The following TXNDC11 variants were observed in gnomAD, a reference collection of about 807,000 sequenced individuals.
TXNDC11 encodes the protein thioredoxin domain containing 11.
Under a neutral mutation model 78.0 loss-of-function variants are expected in TXNDC11, and 68 were observed. The observed-to-expected ratio is 0.87, with a 90% CI of 0.72 to 1.07. The LOEUF is 1.07. Ranked by LOEUF, TXNDC11 falls within the 50% of genes least tolerant of loss-of-function variation. TXNDC11 has a pLI of 0.00. For synonymous variants in TXNDC11, 571 were observed against 495.2 expected (o/e 1.15, Z -2.03); for missense variants, 1,389 against 1,221.8 (o/e 1.14, Z -2.04).
Position 11,691,705 on chromosome 16 carries a change from A to C in TXNDC11, c.1485T>G (p.Phe495Leu), listed in dbSNP as rs2141990355. The change falls in exon 8 of 12, where the codon TTT becomes TTG. Residue 495 changes from phenylalanine (F) to leucine (L), a missense_variant. Transcript: ENST00000283033. ...VASDSIECSN[F>L]LTSYSPFSYY... Reference sequence around the variant, plus strand: ...AGCTGAAGGGGCTATAGGAAGTTAAAAAATTGCTGCATTCTATGCTGTCTG... The same window carrying C: ...AGCTGAAGGGGCTATAGGAAGTTAACAAATTGCTGCATTCTATGCTGTCTG... 2 of 1,614,254 alleles carry C rather than the reference A, an allele frequency of 1.2e-6. No individual in the cohort carries two copies. Among genetic ancestry groups the C allele is most frequent in the Non-Finnish European group, 1.7e-6 (2 of 1,180,046 alleles).
At chr16:11,687,660 G>T (rs2050600889) in intron 10 of TXNDC11, among the ~76,000 whole-genome samples, 197 bp downstream of exon 10, 1 of 152,180 alleles carries the variant, frequency 6.6e-6, no homozygotes, top group African/African-American at 2.4e-5. Context: ...ATCATGGAAG[G>T]AACACTCAGA....
Position 11,688,366 on chromosome 16 carries a change from C to G in TXNDC11, c.1980G>C (p.Pro660=), listed in dbSNP as rs61741271. 6 of 1,614,052 alleles carry G rather than the reference C, an allele frequency of 3.7e-6. No individual in the cohort carries two copies. Among genetic ancestry groups the G allele is most frequent in the Middle Eastern group, 1.6e-4 (1 of 6,062 alleles). The change falls in exon 9 of 12, where the codon CCG becomes CCC. Residue 660 remains proline, a synonymous_variant. Coordinates refer to ENST00000283033, the MANE Select transcript of TXNDC11 (RefSeq NM_015914.7). ...HLIGSGSAQF[P]SQHLITEVTT... is the part of the protein sequence containing the mutation. The stretch of plus-strand genomic sequence containing the variant: ...TCACTTCAGTGATTAAATGCTGAGA[C>G]GGGAACTGGGCAGAGCCACTTCCAA...
intron 7 of TXNDC11, among the ~76,000 whole-genome samples, chr16:11,694,056 G>C (rs901614877): frequency 7.3e-6 from 1 of 137,522 alleles, no homozygotes; most frequent in Non-Finnish European, 1.5e-5. Context: ...GCCACGTAAA[G>C]AATATTTTTA....
Position 11,692,002 on chromosome 16 carries a change from C to A in TXNDC11, c.1188G>T (p.Val396=). ...VERLLQHLRR[V]DAPVLESLAL... ...CCAGGGACTCCAGCACTGGAGCATC[C>A]ACCCGCCGCAGGTGCTGAAGGAGAC... Residue 396 remains valine (V), a synonymous_variant, in exon 8 of 12, where the codon GTG becomes GTT. Transcript: ENST00000283033. The A allele has an allele frequency of 6.4e-7, 1 of 1,572,706 alleles. No homozygotes were observed. The highest frequency in any genetic ancestry group is 8.6e-7 in the Non-Finnish European group (1 of 1,158,172).
chr16:11,697,465 C>T (rs750166600), intron 7 of TXNDC11, among the ~76,000 whole-genome samples: 1 of 152,198 alleles, frequency 6.6e-6, no homozygotes, highest in African/African-American at 2.4e-5. Context: ...TCTCCAGGCT[C>T]GCTCTGCAAA....
chr16:11,705,872 A>G (rs978062093), intron 5 of TXNDC11, among the ~76,000 whole-genome samples: 2 of 152,216 alleles, frequency 1.3e-5, no homozygotes, highest in Non-Finnish European at 2.9e-5. Context: ...AGATGACACA[A>G]AAAACCAGCA....
At chr16:11,683,181 A>C (rs2050473533) in intron 11 of TXNDC11, among the ~76,000 whole-genome samples, 1 of 152,188 alleles carries the variant, frequency 6.6e-6, no homozygotes, top group Admixed American at 6.5e-5. Flanking sequence ...TTTTCCACTA[A>C]AACATCTGCA....
intron 5 of TXNDC11, among the ~76,000 whole-genome samples, chr16:11,702,856 G>A (rs1300975890): frequency 2.6e-5 from 4 of 152,268 alleles, no homozygotes; most frequent in African/African-American, 4.8e-5. Context: ...AGGAGTGGCC[G>A]ACAAGGATGA....
At chr16:11,729,178 A>C (rs955395026) in intron 4 of TXNDC11, among the ~76,000 whole-genome samples, 4 of 152,170 alleles carry the variant, frequency 2.6e-5, no homozygotes, top group African/African-American at 9.7e-5. Context: ...TCTCAAGGAT[A>C]CCCTGGCCCA....
chr16:11,740,029 C>T lies in TXNDC11; in HGVS notation c.254+2448G>A, dbSNP rs369874009. ...TCAACATGGTGAAACCCCGTCTCTA[C>T]GAAAAATACAAAAATCAGCTGGGCA... On this transcript the variant is annotated intron_variant, in intron 1 of 11. Coordinates refer to ENST00000283033, the MANE Select transcript of TXNDC11 (RefSeq NM_015914.7). 1.2e-4 allele frequency among the ~76,000 whole-genome samples: 18 copies of T among 151,548 alleles called. No individual in the cohort carries two copies. The East Asian group carries it at 3.1e-3, about 26-fold the overall frequency.
intron 8 of TXNDC11, chr16:11,690,069 T>C (rs780099585): frequency 1.3e-5 from 2 of 152,252 alleles, no homozygotes; most frequent in Non-Finnish European, 1.5e-5. Flanking sequence ...AAGACTCATA[T>C]GTAGAAGCTC....
intron 5 of TXNDC11, among the ~76,000 whole-genome samples, chr16:11,701,050 T>G (rs1487475003): frequency 6.6e-6 from 1 of 151,990 alleles, no homozygotes; most frequent in Non-Finnish European, 1.5e-5. Flanking sequence ...CTTTACCAAT[T>G]ACCCTATTTT....
At chr16:11,704,731 C>G (rs775899852) in intron 5 of TXNDC11, among the ~76,000 whole-genome samples, 1 of 151,876 alleles carries the variant, frequency 6.6e-6, no homozygotes, top group Non-Finnish European at 1.5e-5. Flanking sequence ...TTATAAAGGA[C>G]AAGGAAAGAC....
intron 2 of TXNDC11, among the ~76,000 whole-genome samples, chr16:11,735,705 T>C (rs1018890076): frequency 1.3e-5 from 2 of 152,322 alleles, no homozygotes; most frequent in East Asian, 1.9e-4. Context: ...AAGTATCAAA[T>C]GGATATGCAA....
At chr16:11,707,817 C>T (rs111529721) in intron 5 of TXNDC11, among the ~76,000 whole-genome samples, 2 of 151,802 alleles carry the variant, frequency 1.3e-5, no homozygotes, top group African/African-American at 4.8e-5. Flanking sequence ...TATGGTAGCT[C>T]ACATCTATAA....
At chr16:11,723,417 T>A (rs753061432) in intron 4 of TXNDC11, among the ~76,000 whole-genome samples, 7 of 151,936 alleles carry the variant, frequency 4.6e-5, no homozygotes, top group Admixed American at 1.3e-4. Context: ...GAACCCTGTC[T>A]CTACTGAAAA....
At chr16:11,739,277 G>A (rs928745181) in intron 1 of TXNDC11, among the ~76,000 whole-genome samples, 4 of 152,140 alleles carry the variant, frequency 2.6e-5, no homozygotes, top group South Asian at 2.1e-4. Flanking sequence ...TCTGCTTCAC[G>A]CTTTAGAGAA....
In TXNDC11 at chr16:11,679,838, C is replaced by T; in HGVS notation, c.2235-1G>A. On this transcript the variant is annotated splice_acceptor_variant, in intron 11 of 11. Transcript: ENST00000283033. LOFTEE classifies it high-confidence loss of function. The surrounding 1 kb of genome is among the most constrained non-coding windows in gnomAD (Gnocchi z 4.6). ...GGGGTATTTCACACTTAGGTCCTTT[C>T]TGGAGAGAGAGGGAAAGGAAGCAAA... is the stretch of plus-strand genomic sequence containing the variant. 1 of 1,604,446 alleles carries T rather than the reference C, an allele frequency of 6.2e-7. No individual in the cohort carries two copies. Among genetic ancestry groups the T allele is most frequent in the East Asian group, 2.2e-5 (1 of 44,636 alleles).
rs543355442 is a variant in TXNDC11 at position 11,686,440 on chromosome 16, G to C, written c.2153+1417C>G. On this transcript the variant is annotated intron_variant, in intron 10 of 11. Coordinates refer to ENST00000283033, the MANE Select transcript of TXNDC11 (RefSeq NM_015914.7). ...TATAATGATGAGCTCATGCTTCTTC[G>C]GAATTCCTATTCCATTACTTCTCCA... Among the ~76,000 whole-genome samples, 35 of 152,228 alleles carry C rather than the reference G, an allele frequency of 2.3e-4. 1 individual carries two copies. Among genetic ancestry groups the C allele is most frequent in the African/African-American group, 8.2e-4 (34 of 41,530 alleles).
Sources: allele counts gnomAD v4.1 joint callset (sites outside exome capture counted in the v4.1 genomes callset), GRCh38; gene constraint gnomAD v4.1.1; non-coding constraint Gnocchi (gnomAD v3.1); transcripts MANE v1.5; gene names NCBI Gene and HGNC (gene_info 2026-07-23, HGNC 2026-07-21).